ACOXL: variants seen among roughly 807,000 people sequenced by gnomAD.
The protein encoded by ACOXL is acyl-CoA oxidase like.
Under a neutral mutation model 71.9 loss-of-function variants are expected in ACOXL, and 70 were observed. The observed-to-expected ratio is 0.97, with a 90% CI of 0.80 to 1.19. ACOXL has a LOEUF of 1.19. ACOXL is among the 50% of genes most tolerant of loss of function. The pLI is 0.00. For synonymous variants in ACOXL, 253 were observed against 281.6 expected (o/e 0.90, Z 1.02); for missense variants, 703 against 736.3 (o/e 0.95, Z 0.52).
chr2:111,003,287 C>T (rs1483420651), intron 14 of ACOXL, among the ~76,000 whole-genome samples: 5 of 152,012 alleles, frequency 3.3e-5, no homozygotes, highest in South Asian at 2.1e-4. Flanking sequence ...CGGTGGCTCA[C>T]GCCTGTAATC....
chr2:110,836,320 T>A (rs1184091104), intron 9 of ACOXL, among the ~76,000 whole-genome samples: 2 of 152,236 alleles, frequency 1.3e-5, no homozygotes, highest in African/African-American at 4.8e-5. Flanking sequence ...AGTCCTCATG[T>A]CCTTGCTGCC....
At chr2:111,089,799 A>C (rs772768414) in intron 16 of ACOXL, among the ~76,000 whole-genome samples, 25 of 152,234 alleles carry the variant, frequency 1.6e-4, no homozygotes, top group Non-Finnish European at 3.2e-4. Flanking sequence ...CTTGCTTTGC[A>C]TGTAAAAGTA....
In ACOXL at chr2:111,084,071, A is replaced by G. The variant is rs986916342; in HGVS notation, c.1441-8794A>G. Among the ~76,000 whole-genome samples, 14 of 152,126 alleles carry G rather than the reference A, an allele frequency of 9.2e-5. 1 individual carries two copies. Among genetic ancestry groups the G allele is most frequent in the African/African-American group, 2.9e-4 (12 of 41,404 alleles). On this transcript the variant is annotated intron_variant, in intron 16 of 17. Transcript: ENST00000439055. ...GCCAGGAGTGATGGCTCATACCTGC[A>G]ATCCTAGCACTTTGGGAGGCCAAGG...
chr2:110,773,949 T>TGGCA (rs2105054360), intron 2 of ACOXL, among the ~76,000 whole-genome samples: 1 of 152,312 alleles, frequency 6.6e-6, no homozygotes, highest in African/African-American at 2.4e-5. Context: ...AAGCGGGGCA[T>TGGCA]GGCAGGGAGT....
chr2:110,797,552 T>A (rs1685427698), intron 5 of ACOXL, among the ~76,000 whole-genome samples: 1 of 152,228 alleles, frequency 6.6e-6, no homozygotes, highest in African/African-American at 2.4e-5. Flanking sequence ...TCTATCAGTC[T>A]TGCTTTATCC....
intron 11 of ACOXL, among the ~76,000 whole-genome samples, chr2:110,923,724 A>G (rs576695136): frequency 6.6e-6 from 1 of 152,294 alleles, no homozygotes; most frequent in African/African-American, 2.4e-5. Flanking sequence ...ACTTGAGGCC[A>G]GGAGTTCGAG....
intron 16 of ACOXL, among the ~76,000 whole-genome samples, chr2:111,068,485 A>G (rs1037281412): frequency 3.3e-5 from 5 of 152,152 alleles, no homozygotes; most frequent in Non-Finnish European, 7.4e-5. Flanking sequence ...GAATCCTCTT[A>G]AGCTGCTCTG....
intron 11 of ACOXL, 35 bp downstream of exon 11, chr2:110,908,940 A>G: frequency 1.3e-6 from 2 of 1,504,572 alleles, no homozygotes; most frequent in East Asian, 4.6e-5. Context: ...CTCTTAGGGT[A>G]AGTGTGATAC....
intron 10 of ACOXL, among the ~76,000 whole-genome samples, chr2:110,879,282 A>G (rs1397451064): frequency 6.6e-6 from 1 of 152,196 alleles, no homozygotes; most frequent in Non-Finnish European, 1.5e-5. Flanking sequence ...GAGAGATGAT[A>G]GATTTCCCAC....
intron 16 of ACOXL, among the ~76,000 whole-genome samples, chr2:111,053,431 C>A (rs887859637): frequency 6.6e-6 from 1 of 152,186 alleles, no homozygotes; most frequent in African/African-American, 2.4e-5. Flanking sequence ...GGATGGCAGG[C>A]ATAGTCCATG....
chr2:111,025,941 A>G (rs1408175018), intron 14 of ACOXL, among the ~76,000 whole-genome samples: 2 of 152,214 alleles, frequency 1.3e-5, no homozygotes, highest in African/African-American at 2.4e-5. Flanking sequence ...GGTATGAAGT[A>G]AAGGATAAGG....
At position 110,759,103 on chromosome 2, in the gene ACOXL, TCA is replaced by T. The variant is rs1458330094; in HGVS notation, c.-22-9264_-22-9263del. On this transcript the variant is annotated intron_variant, in intron 1 of 17. Transcript: ENST00000439055. ...GAGTATTTTACTTCCAATTGTGTGA[TCA>T]GTTTTAGAGTAAGTGCCATGTAATG... Among the ~76,000 whole-genome samples, 12 of 152,330 alleles carry T rather than the reference TCA, an allele frequency of 7.9e-5. No individual in the cohort carries two copies. In the East Asian group the frequency reaches 1.7e-3, roughly 22 times the overall value.
intron 12 of ACOXL, among the ~76,000 whole-genome samples, chr2:110,960,795 A>G (rs938427046): frequency 1.3e-5 from 2 of 152,198 alleles, no homozygotes; most frequent in Non-Finnish European, 1.5e-5. Flanking sequence ...ACACAGATGC[A>G]TAAACTGTTT....
intron 10 of ACOXL, among the ~76,000 whole-genome samples, chr2:110,842,515 A>G (rs751319136): frequency 6.6e-5 from 10 of 152,242 alleles, no homozygotes; most frequent in Non-Finnish European, 1.5e-4. Flanking sequence ...ACAAGGAAAT[A>G]AAGACCCAAA....
At chr2:110,990,177 T>A (rs2063114668) in intron 13 of ACOXL, among the ~76,000 whole-genome samples, 1 of 152,256 alleles carries the variant, frequency 6.6e-6, no homozygotes, top group African/African-American at 2.4e-5. Flanking sequence ...AAAATTGACA[T>A]ATTTATAAAG....
chr2:111,061,277 A>T (rs1408302017), intron 16 of ACOXL, among the ~76,000 whole-genome samples: 3 of 152,218 alleles, frequency 2.0e-5, no homozygotes, highest in Non-Finnish European at 4.4e-5. Context: ...GAGAGAAACA[A>T]CATTTTATCT....
At chr2:110,911,524 C>A (rs2059649425) in intron 11 of ACOXL, among the ~76,000 whole-genome samples, 1 of 151,850 alleles carries the variant, frequency 6.6e-6, no homozygotes, top group Non-Finnish European at 1.5e-5. Context: ...TACACCATGA[C>A]CAAGTGAGAT....
At chr2:110,897,535 A>G (rs1394443142) in intron 10 of ACOXL, among the ~76,000 whole-genome samples, 5 of 148,514 alleles carry the variant, frequency 3.4e-5, no homozygotes, top group African/African-American at 1.2e-4. Context: ...CCTCTCATCA[A>G]TCCCTTTACA....
At chr2:110,997,770 A>G (rs2063463072) in intron 14 of ACOXL, among the ~76,000 whole-genome samples, 1 of 152,170 alleles carries the variant, frequency 6.6e-6, no homozygotes, top group Non-Finnish European at 1.5e-5. Flanking sequence ...CAGTCACGAA[A>G]TTGGCTGGGC....
Sources: allele counts gnomAD v4.1 joint callset (sites outside exome capture counted in the v4.1 genomes callset), GRCh38; gene constraint gnomAD v4.1.1; transcripts MANE v1.5; gene names NCBI Gene and HGNC (gene_info 2026-07-23, HGNC 2026-07-21).